Variants in ZNF444 observed in about 807,000 individuals in gnomAD.
The protein encoded by ZNF444 is endothelial zinc finger protein 2.
ZNF444 carries 8 observed loss-of-function variants against 14.4 expected under a neutral mutation model. The ratio of observed to expected loss-of-function variants is 0.56; its 90% CI spans 0.33 to 1.00. The LOEUF (loss-of-function observed/expected upper bound fraction) is 1.00, where lower values mean the gene tolerates loss of function less well. ZNF444 is among the 50% of genes least tolerant of loss of function. The probability of loss-of-function intolerance (pLI) is 0.03; values close to 1 mark genes in which losing one functional copy is unlikely to be tolerated. For missense variants in ZNF444, 510 were observed against 504.8 expected, an observed-to-expected ratio of 1.01 and a Z score of -0.10; for synonymous variants, 258 against 235.9, an observed-to-expected ratio of 1.09 and a Z score of -0.86.
intron 1 of ZNF444, chr19:56,132,905 T>C (rs2030513470): frequency 1.4e-5 from 2 of 145,720 alleles, no homozygotes; most frequent in Non-Finnish European, 3.0e-5. Context: ...AATGCCCTTC[T>C]TTTTTTTCTT....
upstream of ZNF444, among the ~76,000 whole-genome samples, chr19:56,139,183 A>G (rs1465452271): frequency 6.6e-6 from 1 of 152,120 alleles, no homozygotes; most frequent in African/African-American, 2.4e-5. Flanking sequence ...CCACAATTAA[A>G]AAAAAAAGAT....
At chr19:56,136,937 C>T (rs1053060488), upstream of ZNF444, among the ~76,000 whole-genome samples, 2 of 151,972 alleles carry the variant, frequency 1.3e-5, no homozygotes, top group African/African-American at 2.4e-5. Flanking sequence ...TGCACCACTA[C>T]ACCCAGCTAA....
Position 56,158,670 on chromosome 19 carries a change from T to C in ZNF444, c.406+68T>C. The C allele has an allele frequency of 2.2e-6, 3 of 1,370,918 alleles. No individual in the cohort carries two copies. The Admixed American group carries it at 6.9e-5, about 32-fold the overall frequency. The allele number at this position is 1,370,918 out of a possible 1,614,324, so 84.9% of individuals were successfully genotyped here. A position where few individuals can be genotyped will look rare whatever the true frequency, so the allele number is the denominator to read the frequency against. On this transcript the variant is annotated intron_variant, in intron 4 of 4. Coordinates refer to ENST00000337080, the MANE Select transcript of ZNF444 (RefSeq NM_018337.4). ...ACCGGGGAGGGGGTTCAGTGAACGA[T>C]CCTGGCACCAGGACCCAGGACAAGG...
chr19:56,137,667 C>CT (rs1296306674), upstream of ZNF444, among the ~76,000 whole-genome samples: 2 of 152,160 alleles, frequency 1.3e-5, no homozygotes. Flanking sequence ...TTCTGCAGTG[C>CT]TTCTGAGGGC....
chr19:56,160,721 G>A lies in ZNF444; in HGVS notation c.*520G>A, dbSNP rs554423571. ...GAGATTGGGGGTTGGGGGAGGCAGC[G>A]GGTGATGGCTCTGAAGCTGAACCCA... On this transcript the variant is annotated 3_prime_UTR_variant, in exon 5 of 5. Coordinates refer to ENST00000337080, the MANE Select transcript of ZNF444 (RefSeq NM_018337.4). The A allele has an allele frequency of 1.1e-4, 17 of 148,026 alleles. No homozygotes were observed. In the South Asian group the frequency reaches 3.1e-3, roughly 27 times the overall value. 9.2% of individuals were successfully genotyped at this position (148,026 alleles called of 1,614,324 possible). A position where few individuals can be genotyped will look rare whatever the true frequency, so the allele number is the denominator to read the frequency against.
intron 1 of ZNF444, among the ~76,000 whole-genome samples, chr19:56,142,692 G>A (rs1254379808): frequency 6.6e-6 from 1 of 152,182 alleles, no homozygotes; most frequent in Non-Finnish European, 1.5e-5. Flanking sequence ...AGAGGAAGGA[G>A]CTCTTGTTAG....
intron 1 of ZNF444, among the ~76,000 whole-genome samples, chr19:56,133,016 C>T (rs1449925329): frequency 2.3e-5 from 3 of 132,850 alleles, no homozygotes; most frequent in African/African-American, 8.3e-5. Flanking sequence ...TGGCTCACTG[C>T]AACCTCCACC....
In ZNF444 at chr19:56,144,013, T is replaced by C. The variant is rs556744242; in HGVS notation, c.-196-2234T>C. On this transcript the variant is annotated intron_variant, in intron 1 of 4. Coordinates refer to ENST00000337080, the MANE Select transcript of ZNF444 (RefSeq NM_018337.4). The surrounding 1 kb of genome is among the most constrained non-coding windows in gnomAD (Gnocchi z 4.0). ...GGCACTGGCCTTCGGTCCAAGAAGA[T>C]AGAAAGTGAGCCAGACCGGGCACAG... Among the ~76,000 whole-genome samples, 3 of 152,090 alleles carry C rather than the reference T, an allele frequency of 2.0e-5. No homozygotes were observed. The highest frequency in any genetic ancestry group is 4.4e-5 in the Non-Finnish European group (3 of 68,008).
At position 56,159,647 on chromosome 19, in the gene ZNF444, G is replaced by T; in HGVS notation, c.430G>T (p.Gly144Trp). Residue 144 changes from glycine to tryptophan, a missense_variant, in exon 5 of 5, where the codon GGG becomes TGG. Gly to Trp is a radical substitution (Grantham distance 184). Transcript: ENST00000337080. ...PLAGTAPGAE[G>W]PAPGDSQAVR... is the part of the protein sequence containing the mutation. ...AGCAGGCACCGCCCCTGGGGCTGAG[G>T]GGCCGGCGCCTGGGGACTCCCAGGC... 1 of 1,454,822 alleles carries T rather than the reference G, an allele frequency of 6.9e-7. No homozygotes were observed. Among genetic ancestry groups the T allele is most frequent in the Non-Finnish European group, 9.0e-7 (1 of 1,108,230 alleles). The allele number at this position is 1,454,822 out of a possible 1,614,324, so 90.1% of individuals were successfully genotyped here.
In ZNF444 at chr19:56,160,580, T is replaced by G; in HGVS notation, c.*379T>G. ...TGCCTGAAGAGCAGAGGTGAGGACC[T>G]GGGACCCCTGAGGGGCAGGCCAGGA... On this transcript the variant is annotated 3_prime_UTR_variant, in exon 5 of 5. Coordinates refer to ENST00000337080, the MANE Select transcript of ZNF444 (RefSeq NM_018337.4). 1 of 215,458 alleles carries G rather than the reference T, an allele frequency of 4.6e-6. No individual in the cohort carries two copies. The highest frequency in any genetic ancestry group is 1.1e-4 in the East Asian group (1 of 9,178). 13.3% of individuals were successfully genotyped at this position (215,458 alleles called of 1,614,324 possible).
rs1461249655 is a variant in ZNF444 at position 56,160,042 on chromosome 19, G to A, written c.825G>A (p.Ala275=). ...LVRHRKTHSG[A]RPFACWECGK... ...GCCACCGCAAGACGCACTCGGGAGC[G>A]CGGCCCTTTGCCTGCTGGGAGTGTG... The change falls in exon 5 of 5, where the codon GCG becomes GCA. Residue 275 remains alanine (A), a synonymous_variant. Coordinates refer to ENST00000337080, the MANE Select transcript of ZNF444 (RefSeq NM_018337.4). 3 of 1,506,616 alleles carry A rather than the reference G, an allele frequency of 2.0e-6. No homozygotes were observed. Among genetic ancestry groups the A allele is most frequent in the South Asian group, 2.4e-5 (2 of 81,806 alleles). 93.3% of individuals were successfully genotyped at this position (1,506,616 alleles called of 1,614,324 possible).
At chr19:56,136,128 T>C (rs980328872) in intron 1 of ZNF444, among the ~76,000 whole-genome samples, 9 of 148,640 alleles carry the variant, frequency 6.1e-5, no homozygotes, top group African/African-American at 2.2e-4. Context: ...CCGCTCCTTA[T>C]TGGGCCCTTG....
At position 56,147,299 on chromosome 19, in the gene ZNF444, C is replaced by T; in HGVS notation, c.297+91C>T. ...CCCAGGGAGGAGCACCACTGAACCCCTGAAAACCAGTGTGACTCGCGGTGG... is the reference window on the plus strand; with the variant it reads ...CCCAGGGAGGAGCACCACTGAACCCTTGAAAACCAGTGTGACTCGCGGTGG... On this transcript the variant is annotated intron_variant, in intron 3 of 4. Transcript: ENST00000337080. This position sits in a 1 kb window ranked among gnomAD's most constrained non-coding sequence, Gnocchi z 5.9. The T allele has an allele frequency of 7.5e-7, 1 of 1,338,744 alleles. No homozygotes were observed. Among genetic ancestry groups the T allele is most frequent in the Non-Finnish European group, 9.6e-7 (1 of 1,039,458 alleles). 82.9% of individuals were successfully genotyped at this position (1,338,744 alleles called of 1,614,324 possible). A position where few individuals can be genotyped will look rare whatever the true frequency, so the allele number is the denominator to read the frequency against.
At position 56,159,892 on chromosome 19, in the gene ZNF444, C is replaced by T. The variant is rs2032173189; in HGVS notation, c.675C>T (p.His225=). 2.0e-6 allele frequency: 3 copies of T among 1,523,186 alleles called. No individual in the cohort carries two copies. The highest frequency in any genetic ancestry group is 1.4e-5 in the African/African-American group (1 of 70,592). The allele number at this position is 1,523,186 out of a possible 1,614,324, so 94.4% of individuals were successfully genotyped here. Residue 225 remains histidine (H), a synonymous_variant, in exon 5 of 5, where the codon CAC becomes CAT. Transcript: ENST00000337080. ...AFRRKEHLRR[H]RDTHPGSPGS... ...GGCGCAAGGAGCACCTGCGGCGCCA[C>T]CGCGACACGCACCCCGGCAGCCCCG...
At chr19:56,136,037 T>G (rs2637088) in intron 1 of ZNF444, among the ~76,000 whole-genome samples, 137,987 of 144,072 alleles carry the variant, frequency 0.96, 66,527 homozygotes, top group Non-Finnish European at 0.99. Flanking sequence ...AGCCAAGATC[T>G]CACCACTGCA....
At chr19:56,149,528 G>A (rs570318564) in intron 3 of ZNF444, among the ~76,000 whole-genome samples, 1 of 152,086 alleles carries the variant, frequency 6.6e-6, no homozygotes, top group African/African-American at 2.4e-5. Context: ...TGTGCTGAAC[G>A]TGCAGGTTTG....
chr19:56,137,950 C>T (rs559887491), upstream of ZNF444, among the ~76,000 whole-genome samples: 11 of 151,858 alleles, frequency 7.2e-5, no homozygotes, highest in African/African-American at 2.7e-4. Context: ...GGTGAAACCC[C>T]GTCTCTATTA....
rs2030596719 is a variant in ZNF444 at position 56,135,826 on chromosome 19, C to T, written c.-197+3048C>T. On this transcript the variant is annotated intron_variant, in intron 1 of 2. Coordinates refer to the ZNF444 transcript ENST00000587467. ...AGGCAGGGTGGCTCACACTGGTAAT[C>T]CCAGCACTTCGGGAGGCTGAGGTGG... is the stretch of plus-strand genomic sequence containing the variant. Among the ~76,000 whole-genome samples, 3 of 151,800 alleles carry T rather than the reference C, an allele frequency of 2.0e-5. No homozygotes were observed. The South Asian group carries it at 6.3e-4, about 32-fold the overall frequency.
intron 3 of ZNF444, chr19:56,157,847 C>T (rs1007331307): frequency 2.0e-5 from 3 of 152,128 alleles, no homozygotes; most frequent in Non-Finnish European, 4.4e-5. Flanking sequence ...CCCTTGGGGA[C>T]GTGGTTTTGA....
Sources: gnomAD v4.1 joint callset for allele counts (sites outside exome capture counted in the v4.1 genomes callset) on GRCh38, gnomAD v4.1.1 for gene constraint, Gnocchi (gnomAD v3.1) non-coding constraint, MANE v1.5 for transcripts, NCBI Gene and HGNC (gene_info 2026-07-23, HGNC 2026-07-21) for gene names.